CDK14: variants seen among roughly 807,000 people sequenced by gnomAD.
The protein encoded by CDK14 is cyclin-dependent kinase 14.
Under a neutral mutation model 60.7 loss-of-function variants are expected in CDK14, and 34 were observed. The ratio of observed to expected loss-of-function variants is 0.56; its 90% CI spans 0.43 to 0.75. CDK14 has a LOEUF of 0.75. Among genes scored for constraint, CDK14 ranks in the 30% least tolerant of loss-of-function variants. The pLI is 0.00. For synonymous variants in CDK14, 197 were observed against 203.7 expected (o/e 0.97, Z 0.28); for missense variants, 482 against 564.1 (o/e 0.85, Z 1.47).
chr7:90,951,260 C>CT (rs748660444), intron 8 of CDK14, among the ~76,000 whole-genome samples: 19 of 149,600 alleles, frequency 1.3e-4, no homozygotes, highest in East Asian at 1.2e-3. Context: ...AAGAGCAAGA[C>CT]TTTTTTTTTT....
At chr7:90,879,893 G>A (rs2117279161) in intron 6 of CDK14, among the ~76,000 whole-genome samples, 1 of 151,944 alleles carries the variant, frequency 6.6e-6, no homozygotes, top group Non-Finnish European at 1.5e-5. Flanking sequence ...ACTCCCCAGA[G>A]AAGGGAGACT....
chr7:91,008,143 AAAC>A (rs1236631644), intron 10 of CDK14, among the ~76,000 whole-genome samples: 1 of 136,968 alleles, frequency 7.3e-6, no homozygotes, highest in Admixed American at 7.4e-5. Context: ...AAAAAAAAAA[AAAC>A]AAACAAAAAA....
At chr7:91,196,926 A>T (rs1001334156) in intron 14 of CDK14, among the ~76,000 whole-genome samples, 2 of 152,226 alleles carry the variant, frequency 1.3e-5, no homozygotes, top group Non-Finnish European at 2.9e-5. Context: ...TCACACTTTC[A>T]GATAGGAGTG....
intron 8 of CDK14, among the ~76,000 whole-genome samples, chr7:90,930,128 T>C (rs1382793441): frequency 6.6e-6 from 1 of 152,124 alleles, no homozygotes; most frequent in African/African-American, 2.4e-5. Context: ...GTTTTTTTTT[T>C]CTTAATTAGA....
chr7:90,757,475 A>G (rs1804126084), intron 4 of CDK14, among the ~76,000 whole-genome samples: 2 of 152,110 alleles, frequency 1.3e-5, no homozygotes, highest in South Asian at 4.1e-4. Context: ...TTGGCATTGC[A>G]TTCATGACAG....
At chr7:90,615,157 C>G (rs1219735944) in intron 2 of CDK14, among the ~76,000 whole-genome samples, 1 of 151,970 alleles carries the variant, frequency 6.6e-6, no homozygotes, top group Non-Finnish European at 1.5e-5. Context: ...TTTTATGACC[C>G]ATGTAGTTAT....
At position 91,049,615 on chromosome 7, in the gene CDK14, G is replaced by A. The variant is rs575262813; in HGVS notation, c.1105+3655G>A. On this transcript the variant is annotated intron_variant, in intron 11 of 14. Coordinates refer to ENST00000380050, the MANE Select transcript of CDK14 (RefSeq NM_001287135.2). The stretch of plus-strand genomic sequence containing the variant: ...GAAAAACCAGTTTGGGTTTTCAAAT[G>A]TATTGCTTTATGGCTATGATCTAGG... Among the ~76,000 whole-genome samples, 5 of 152,234 alleles carry A rather than the reference G, an allele frequency of 3.3e-5. No individual in the cohort carries two copies. The East Asian group carries it at 5.8e-4, about 18-fold the overall frequency.
intron 10 of CDK14, among the ~76,000 whole-genome samples, chr7:91,020,070 C>T (rs1796396096): frequency 6.6e-6 from 1 of 152,160 alleles, no homozygotes; most frequent in Admixed American, 6.5e-5. Flanking sequence ...GCATGCTCTT[C>T]TCTGGTCATG....
At chr7:91,175,627 A>G (rs1217156491) in intron 14 of CDK14, among the ~76,000 whole-genome samples, 2 of 151,726 alleles carry the variant, frequency 1.3e-5, no homozygotes, top group African/African-American at 2.4e-5. Flanking sequence ...TACCAAGCCA[A>G]TGGAAAACAA....
intron 10 of CDK14, among the ~76,000 whole-genome samples, chr7:90,990,240 T>C (rs888686623): frequency 6.6e-6 from 1 of 152,148 alleles, no homozygotes; most frequent in African/African-American, 2.4e-5. Context: ...ATTGTGCCAC[T>C]GCACTCCAGC....
At chr7:90,867,176 G>A (rs1791219962) in intron 6 of CDK14, among the ~76,000 whole-genome samples, 1 of 152,108 alleles carries the variant, frequency 6.6e-6, no homozygotes, top group African/African-American at 2.4e-5. Context: ...AGCTTGAAAA[G>A]GAATCTCGTT....
intron 5 of CDK14, among the ~76,000 whole-genome samples, chr7:90,851,644 A>G (rs1790648541): frequency 6.6e-6 from 1 of 152,168 alleles, no homozygotes; most frequent in Admixed American, 6.6e-5. Context: ...AGAGGAATGT[A>G]TGATAAGGTT....
At chr7:90,874,917 CG>C (rs948295812) in intron 6 of CDK14, among the ~76,000 whole-genome samples, 46 of 152,188 alleles carry the variant, frequency 3.0e-4, no homozygotes, top group African/African-American at 1.1e-3. Context: ...CACAATTCAG[CG>C]GTTTTGAGCC....
intron 8 of CDK14, among the ~76,000 whole-genome samples, chr7:90,945,707 C>T (rs117526299): frequency 0.016 from 2,507 of 152,254 alleles, 21 homozygotes; most frequent in Non-Finnish European, 0.022. Flanking sequence ...TGTAATTACA[C>T]GCTCATTAAG....
At chr7:90,720,411 C>G (rs897953575) in intron 2 of CDK14, among the ~76,000 whole-genome samples, 4 of 152,138 alleles carry the variant, frequency 2.6e-5, no homozygotes, top group Admixed American at 2.6e-4. Context: ...GTCTGAGGGT[C>G]TCCTGTATCC....
intron 8 of CDK14, among the ~76,000 whole-genome samples, chr7:90,944,408 A>G (rs1444553851): frequency 6.6e-6 from 1 of 152,202 alleles, no homozygotes; most frequent in Non-Finnish European, 1.5e-5. Context: ...GCCAGACGTC[A>G]TGCCAGGAAC....
intron 2 of CDK14, among the ~76,000 whole-genome samples, chr7:90,636,785 G>A (rs1800161507): frequency 6.6e-6 from 1 of 152,188 alleles, no homozygotes; most frequent in Non-Finnish European, 1.5e-5. Flanking sequence ...TGGTTGGTAA[G>A]CTATTGATTA....
At chr7:90,685,915 A>T (rs1801425332) in intron 2 of CDK14, among the ~76,000 whole-genome samples, 1 of 152,108 alleles carries the variant, frequency 6.6e-6, no homozygotes, top group South Asian at 2.1e-4. Flanking sequence ...AATATTTATT[A>T]CCTGCTGCTT....
At chr7:90,902,147 T>A (rs368620449) in intron 7 of CDK14, among the ~76,000 whole-genome samples, 11 of 152,060 alleles carry the variant, frequency 7.2e-5, no homozygotes, top group Middle Eastern at 3.4e-3. Context: ...TTAGACAAAT[T>A]AGTATTATTA....
Sources: gnomAD v4.1 joint callset for allele counts (sites outside exome capture counted in the v4.1 genomes callset) on GRCh38, gnomAD v4.1.1 for gene constraint, MANE v1.5 for transcripts, NCBI Gene and HGNC (gene_info 2026-07-23, HGNC 2026-07-21) for gene names.